The following TRPC6 variants were observed in gnomAD, a reference collection of about 807,000 sequenced individuals.
TRPC6 encodes transient receptor potential cation channel subfamily C member 6, also known as short transient receptor potential channel 6.
TRPC6 carries 55 observed loss-of-function variants against 90.7 expected under a neutral mutation model. The ratio of observed to expected loss-of-function variants is 0.61; its 90% CI spans 0.49 to 0.76. The LOEUF is 0.76. Ranked by LOEUF, TRPC6 falls within the 30% of genes least tolerant of loss-of-function variation. The pLI, the probability that TRPC6 is intolerant of heterozygous loss-of-function variation, is 0.00. For synonymous variants in TRPC6, 393 were observed against 393.0 expected (o/e 1.00, Z 0.00); for missense variants, 989 against 1,122.7 (o/e 0.88, Z 1.70).
chr11:101,509,056 C>A (rs748171766), intron 1 of TRPC6, among the ~76,000 whole-genome samples: 1 of 146,740 alleles, frequency 6.8e-6, no homozygotes, highest in African/African-American at 2.6e-5. Flanking sequence ...CATCATTTTT[C>A]AGCTGTTATG....
chr11:101,583,326 G>T lies in TRPC6; in HGVS notation c.170+8C>A. Reference sequence around the variant, plus strand: ...GCGCCCGATCCGCCCCGCGTCGCCGGCACTCACAAGCAGGGGTAGTAGCCG... The same window carrying T: ...GCGCCCGATCCGCCCCGCGTCGCCGTCACTCACAAGCAGGGGTAGTAGCCG... On this transcript the variant is annotated splice_region_variant and intron_variant, in intron 1 of 12. Coordinates refer to ENST00000344327, the MANE Select transcript of TRPC6 (RefSeq NM_004621.6). The T allele has an allele frequency of 6.3e-7, 1 of 1,577,622 alleles. No homozygotes were observed.
intron 1 of TRPC6, among the ~76,000 whole-genome samples, chr11:101,538,292 A>T (rs4402260): frequency 0.15 from 23,408 of 152,034 alleles, 1,972 homozygotes; most frequent in Admixed American, 0.19. Context: ...AGCTATTTCT[A>T]TACTTTTCTA....
chr11:101,574,421 A>C (rs11224877), intron 1 of TRPC6, among the ~76,000 whole-genome samples: 16,086 of 151,374 alleles, frequency 0.11, 1,672 homozygotes, highest in East Asian at 0.47. Context: ...CTTATTTCTT[A>C]AAGATACATA....
At chr11:101,493,818 C>T (rs573032551) in intron 2 of TRPC6, among the ~76,000 whole-genome samples, 12 of 152,156 alleles carry the variant, frequency 7.9e-5, no homozygotes, top group African/African-American at 2.9e-4. Flanking sequence ...GTCAATAAGG[C>T]CATATGTGGG....
intron 1 of TRPC6, among the ~76,000 whole-genome samples, chr11:101,554,842 T>C (rs1237369401): frequency 2.0e-5 from 3 of 152,134 alleles, no homozygotes; most frequent in African/African-American, 4.8e-5. Context: ...CAGCCCTATT[T>C]CCTTGCCCTA....
intron 9 of TRPC6, 137 bp downstream of exon 9, chr11:101,471,046 G>A: frequency 1.3e-6 from 1 of 793,438 alleles, no homozygotes; most frequent in Non-Finnish European, 2.1e-6. Context: ...CCAAAGGACT[G>A]TGCTGTGTGA....
intron 7 of TRPC6, 88 bp from the exon 8 acceptor site, chr11:101,472,420 T>C (rs1376653612): frequency 7.6e-7 from 1 of 1,308,928 alleles, no homozygotes; most frequent in African/African-American, 1.5e-5. Flanking sequence ...TTGTTTAGTG[T>C]CTGCAAATTA....
At chr11:101,485,537 C>A (rs1269783872) in intron 4 of TRPC6, among the ~76,000 whole-genome samples, 1 of 151,602 alleles carries the variant, frequency 6.6e-6, no homozygotes, top group Non-Finnish European at 1.5e-5. Flanking sequence ...TTGCAAGAAT[C>A]CATATCTTTC....
intron 1 of TRPC6, among the ~76,000 whole-genome samples, chr11:101,538,235 T>A (rs994899938): frequency 6.6e-6 from 1 of 152,200 alleles, no homozygotes; most frequent in Non-Finnish European, 1.5e-5. Context: ...CTGGTGAATA[T>A]TGCTCTTACA....
In TRPC6 at chr11:101,471,259, A is replaced by G. The variant is rs746684507; in HGVS notation, c.2333T>C (p.Leu778Pro). 1 of 1,613,874 alleles carries G rather than the reference A, an allele frequency of 6.2e-7. No homozygotes were observed. The highest frequency in any genetic ancestry group is 8.5e-7 in the Non-Finnish European group (1 of 1,179,898). Residue 778 changes from leucine to proline, a missense_variant, in exon 9 of 13, where the codon CTG becomes CCG. Physicochemically the swap from Leu to Pro is moderately conservative, Grantham distance 98 (BLOSUM62 -3). Around this residue, in one of 4 missense-constraint regions of TRPC6, gnomAD observed 191 missense variants for 196.7 expected, o/e 0.97. Transcript: ENST00000344327. ...CTCAGAAATCCATTTTTTAAGCTTC[A>G]GTAAGAGATAAAACAGGGACTTTGG... ...PSPKSLFYLL[L>P]KLKKWISELF...
At chr11:101,531,999 A>G (rs1460519750) in intron 1 of TRPC6, among the ~76,000 whole-genome samples, 3 of 152,192 alleles carry the variant, frequency 2.0e-5, no homozygotes, top group Non-Finnish European at 2.9e-5. Context: ...AAGTGTCCTG[A>G]GGCAGAGGCA....
At chr11:101,456,549 A>C (rs1299225734) in intron 10 of TRPC6, among the ~76,000 whole-genome samples, 1 of 152,154 alleles carries the variant, frequency 6.6e-6, no homozygotes, top group Non-Finnish European at 1.5e-5. Flanking sequence ...CTCACCATTG[A>C]CATTTTGGGC....
intron 1 of TRPC6, 125 bp downstream of exon 1, chr11:101,583,209 G>A: frequency 6.9e-7 from 1 of 1,443,054 alleles, no homozygotes. Context: ...GGACCTCCCA[G>A]CACCGTCCTA....
intron 1 of TRPC6, among the ~76,000 whole-genome samples, chr11:101,527,410 C>T (rs1860804278): frequency 6.6e-6 from 1 of 152,078 alleles, no homozygotes; most frequent in Non-Finnish European, 1.5e-5. Context: ...ATTTTATGCC[C>T]ATAATGATTT....
At chr11:101,491,521 A>T (rs1859810236) in intron 3 of TRPC6, 35 bp downstream of exon 3, 1 of 1,611,862 alleles carries the variant, frequency 6.2e-7, no homozygotes. Flanking sequence ...AACAAGAACC[A>T]AAATAATGTA....
At chr11:101,565,638 T>A (rs1861811195) in intron 1 of TRPC6, among the ~76,000 whole-genome samples, 1 of 152,044 alleles carries the variant, frequency 6.6e-6, no homozygotes. Context: ...ATCAAGCATA[T>A]CATATAGACC....
At chr11:101,493,840 T>A (rs1350503047) in intron 2 of TRPC6, among the ~76,000 whole-genome samples, 1 of 152,200 alleles carries the variant, frequency 6.6e-6, no homozygotes, top group Non-Finnish European at 1.5e-5. Context: ...GGTGTCTGTA[T>A]GGAGAACAGC....
intron 11 of TRPC6, among the ~76,000 whole-genome samples, chr11:101,454,687 A>T (rs1046885565): frequency 6.6e-6 from 1 of 151,980 alleles, no homozygotes; most frequent in African/African-American, 2.4e-5. Context: ...CAGAATTTTC[A>T]CCAAAAGCAA....
intron 2 of TRPC6, among the ~76,000 whole-genome samples, chr11:101,499,096 C>T (rs1391769397): frequency 5.3e-5 from 8 of 152,114 alleles, no homozygotes; most frequent in East Asian, 1.9e-4. Context: ...AAAGAATGAA[C>T]GCTTCTTGAG....
Sources: gnomAD v4.1 joint callset for allele counts (sites outside exome capture counted in the v4.1 genomes callset) on GRCh38, gnomAD v4.1.1 for gene constraint, gnomAD v4.1.1 regional missense constraint, MANE v1.5 for transcripts, NCBI Gene and HGNC (gene_info 2026-07-23, HGNC 2026-07-21) for gene names.